Variants in MOCOS observed in about 807,000 individuals in gnomAD.
MOCOS encodes the protein human molybdenum cofactor sulfurase.
A neutral mutation model predicts 83.6 loss-of-function variants in MOCOS; 86 were observed. The ratio of observed to expected loss-of-function variants is 1.03; its 90% CI spans 0.86 to 1.23. The LOEUF (loss-of-function observed/expected upper bound fraction) is 1.23. Ranked by LOEUF, MOCOS falls within the 50% of genes most tolerant of loss-of-function variation. The pLI is 0.00. For missense variants in MOCOS, 1,120 were observed against 1,126.9 expected (o/e 0.99, Z 0.09); for synonymous variants, 445 against 434.7 (o/e 1.02, Z -0.29).
chr18:36,188,067 C>A (rs1216746543), intron 1 of MOCOS, among the ~76,000 whole-genome samples: 1 of 152,122 alleles, frequency 6.6e-6, no homozygotes, highest in African/African-American at 2.4e-5. Context: ...GATGTCCTCC[C>A]GAGGTAGGAG....
Position 36,199,732 on chromosome 18 carries a change from A to C in MOCOS, c.349A>C (p.Thr117Pro), listed in dbSNP as rs1344519027. The change falls in exon 4 of 15, where the codon ACT (threonine) becomes CCT (proline). Residue 117 changes from threonine to proline, a missense_variant. Transcript: ENST00000261326. ...CGCAGAAGACTACACTGTGATCTTC[A>C]CTGCCGGGAGCACGGCTGCTCTCAA... ...TTAEDYTVIFTAGSTAALKLV... is the reference protein window; with the variant it reads ...TTAEDYTVIFPAGSTAALKLV... The C allele has an allele frequency of 6.2e-7, 1 of 1,613,952 alleles. No individual in the cohort carries two copies. The highest frequency in any genetic ancestry group is 8.5e-7 in the Non-Finnish European group (1 of 1,180,030).
Position 36,220,226 on chromosome 18 carries a change from A to T in MOCOS, c.1960+9A>T, listed in dbSNP as rs1386169598. 1.2e-6 allele frequency: 2 copies of T among 1,614,060 alleles called. No individual in the cohort carries two copies. The highest frequency in any genetic ancestry group is 1.7e-6 in the Non-Finnish European group (2 of 1,180,010). ...GGTCATCAAAGCCAAAGGTGGGAAA[A>T]CTGCTTCATTTTCACAGAGCAGCTC... On this transcript the variant is annotated intron_variant, in intron 9 of 14. Transcript: ENST00000261326.
At chr18:36,240,815 G>A (rs1052245325) in intron 9 of MOCOS, among the ~76,000 whole-genome samples, 2 of 152,182 alleles carry the variant, frequency 1.3e-5, no homozygotes, top group African/African-American at 4.8e-5. Flanking sequence ...TCCGAGCCAG[G>A]TGCAGGATAT....
intron 13 of MOCOS, among the ~76,000 whole-genome samples, chr18:36,262,276 C>CACACACACACACACACACACACACAT (rs1555656486): frequency 6.6e-5 from 10 of 151,108 alleles, no homozygotes; most frequent in African/African-American, 2.0e-4. Context: ...CACACACACA[C>CACACACACACACACACACACACACAT]GAAAAATTAG....
At chr18:36,246,093 T>TA (rs1322329588) in intron 9 of MOCOS, among the ~76,000 whole-genome samples, 1 of 152,244 alleles carries the variant, frequency 6.6e-6, no homozygotes, top group African/African-American at 2.4e-5. Context: ...TTAAGTAGCT[T>TA]AATAGTCAAC....
At chr18:36,252,467 AG>A (rs1287115981) in intron 11 of MOCOS, among the ~76,000 whole-genome samples, 2 of 152,156 alleles carry the variant, frequency 1.3e-5, no homozygotes, top group African/African-American at 4.8e-5. Context: ...CTGAGGTGGG[AG>A]GATCACTTGA....
At chr18:36,255,874 C>A (rs1419917188) in intron 11 of MOCOS, among the ~76,000 whole-genome samples, 1 of 145,124 alleles carries the variant, frequency 6.9e-6, no homozygotes, top group Non-Finnish European at 1.5e-5. Flanking sequence ...GTTTCGTCCC[C>A]CTTTTAGTAG....
chr18:36,238,698 T>G (rs981835377), intron 9 of MOCOS, among the ~76,000 whole-genome samples: 44 of 113,506 alleles, frequency 3.9e-4, no homozygotes, highest in African/African-American at 1.2e-3. Flanking sequence ...TTGTTGACTT[T>G]CTGTCTCGTT....
rs200490483 is a variant in MOCOS at position 36,268,691 on chromosome 18, A to T, written c.*6A>T. The T allele has an allele frequency of 2.9e-4, 433 of 1,503,344 alleles. No individual in the cohort carries two copies. Among genetic ancestry groups the T allele is most frequent in the South Asian group, 2.6e-3 (229 of 89,050 alleles). The allele number at this position is 1,503,344 out of a possible 1,614,324, so 93.1% of individuals were successfully genotyped here. Reference sequence around the variant, plus strand: ...ACCAGGATGTTACCTCCTAAAAAAAATTTTTAGCATAAAGTTTCTCTTTTA... The same window carrying T: ...ACCAGGATGTTACCTCCTAAAAAAATTTTTTAGCATAAAGTTTCTCTTTTA... On this transcript the variant is annotated 3_prime_UTR_variant, in exon 15 of 15. Coordinates refer to ENST00000261326, the MANE Select transcript of MOCOS (RefSeq NM_017947.4).
In MOCOS at chr18:36,271,145, A is replaced by G. The variant is rs1245817813; in HGVS notation, c.*2460A>G. 1 of 152,118 alleles carries G rather than the reference A, an allele frequency of 6.6e-6. No individual in the cohort carries two copies. The highest frequency in any genetic ancestry group is 1.5e-5 in the Non-Finnish European group (1 of 68,020). 9.4% of individuals were successfully genotyped at this position (152,118 alleles called of 1,614,324 possible). ...CCCAGCTTTTGATTTCAGACATTTT[A>G]ATGCAGATCCTCTCCTTTACAGCAC... On this transcript the variant is annotated 3_prime_UTR_variant, in exon 15 of 15. Transcript: ENST00000261326.
chr18:36,192,381 GAAA>G (rs1323023843), intron 1 of MOCOS, among the ~76,000 whole-genome samples: 4 of 152,098 alleles, frequency 2.6e-5, no homozygotes, highest in Admixed American at 6.5e-5. Flanking sequence ...AAAATACACA[GAAA>G]AAAATTTATC....
intron 11 of MOCOS, among the ~76,000 whole-genome samples, chr18:36,255,144 G>A (rs2091637123): frequency 6.6e-6 from 1 of 152,150 alleles, no homozygotes; most frequent in Non-Finnish European, 1.5e-5. Flanking sequence ...TGAGGTGGCT[G>A]GGCACCCTGC....
At chr18:36,256,231 TA>T (rs915405903) in intron 11 of MOCOS, among the ~76,000 whole-genome samples, 2 of 152,106 alleles carry the variant, frequency 1.3e-5, no homozygotes, top group African/African-American at 4.8e-5. Context: ...TATCTATTTC[TA>T]AACTCAATAT....
intron 13 of MOCOS, among the ~76,000 whole-genome samples, chr18:36,262,507 TC>T (rs895358384): frequency 1.3e-5 from 2 of 151,682 alleles, no homozygotes; most frequent in Non-Finnish European, 2.9e-5. Context: ...ACTGCACCTT[TC>T]TTTTTTTTGA....
intron 9 of MOCOS, among the ~76,000 whole-genome samples, chr18:36,231,897 A>C (rs2091539093): frequency 6.6e-6 from 1 of 152,218 alleles, no homozygotes; most frequent in Non-Finnish European, 1.5e-5. Context: ...TTCATGTTAT[A>C]AAAAGATTTC....
intron 9 of MOCOS, among the ~76,000 whole-genome samples, chr18:36,244,732 T>C (rs1345598578): frequency 6.6e-6 from 1 of 152,204 alleles, no homozygotes; most frequent in African/African-American, 2.4e-5. Context: ...AGTCTCCCAC[T>C]ATTATTGTGT....
At chr18:36,261,707 T>A (rs765555931) in intron 13 of MOCOS, among the ~76,000 whole-genome samples, 10 of 152,176 alleles carry the variant, frequency 6.6e-5, no homozygotes, top group Non-Finnish European at 1.3e-4. Flanking sequence ...CTATATTATG[T>A]CCTACATTCT....
chr18:36,201,887 G>A (rs192182081), intron 4 of MOCOS, among the ~76,000 whole-genome samples: 1 of 152,096 alleles, frequency 6.6e-6, no homozygotes, highest in East Asian at 1.9e-4. Flanking sequence ...AGAATGACAG[G>A]CATAACATAA....
intron 4 of MOCOS, among the ~76,000 whole-genome samples, chr18:36,202,598 A>G (rs1279803555): frequency 6.6e-6 from 1 of 152,168 alleles, no homozygotes; most frequent in Non-Finnish European, 1.5e-5. Flanking sequence ...TGAAGGGGAG[A>G]GCAATGTTTT....
Sources: gnomAD v4.1 joint callset for allele counts (sites outside exome capture counted in the v4.1 genomes callset) on GRCh38, gnomAD v4.1.1 for gene constraint, MANE v1.5 for transcripts, NCBI Gene and HGNC (gene_info 2026-07-23, HGNC 2026-07-21) for gene names.